The following TMEM204 variants were observed in gnomAD, a reference collection of about 807,000 sequenced individuals.
The protein encoded by TMEM204 is claudin-like protein 24.
Under a neutral mutation model 19.4 loss-of-function variants are expected in TMEM204, and 15 were observed. The observed-to-expected ratio is 0.77, with a 90% CI of 0.52 to 1.19. TMEM204 has a LOEUF of 1.19. Ranked by LOEUF, TMEM204 falls within the 50% of genes most tolerant of loss-of-function variation. The pLI is 0.00. For synonymous variants in TMEM204, 161 were observed against 146.0 expected, an observed-to-expected ratio of 1.10 and a Z score of -0.74; for missense variants, 287 against 321.2, an observed-to-expected ratio of 0.89 and a Z score of 0.81.
chr16:1,542,348 G>A (rs1474060507), intron 2 of TMEM204, among the ~76,000 whole-genome samples: 2 of 152,262 alleles, frequency 1.3e-5, no homozygotes, highest in Admixed American at 6.5e-5. Flanking sequence ...TTTAAAGGCT[G>A]AGGCACTTTG....
chr16:1,543,786 G>A (rs2031887011), intron 2 of TMEM204, among the ~76,000 whole-genome samples: 1 of 152,176 alleles, frequency 6.6e-6, no homozygotes, highest in Non-Finnish European at 1.5e-5. Context: ...GCTGACCCGA[G>A]GGCCATAAAA....
chr16:1,534,942 C>T lies in TMEM204; in HGVS notation c.280+387C>T, dbSNP rs140727617. On this transcript the variant is annotated intron_variant, in intron 1 of 2. Coordinates refer to ENST00000566264, the MANE Select transcript of TMEM204 (RefSeq NM_024600.6). The stretch of plus-strand genomic sequence containing the variant: ...TATTACGGCTGGGCGCAGTGGTTCA[C>T]GTCTGTAATCCTAGCGCTTTGGGAG... 3.9e-5 allele frequency among the ~76,000 whole-genome samples: 6 copies of T among 152,234 alleles called. No homozygotes were observed. The East Asian group carries it at 1.2e-3, about 29-fold the overall frequency.
intron 1 of TMEM204, among the ~76,000 whole-genome samples, chr16:1,539,287 C>T (rs1015853287): frequency 4.6e-4 from 70 of 151,530 alleles, no homozygotes; most frequent in Non-Finnish European, 6.5e-4. Context: ...CTCACCAAGC[C>T]GCACAGTGCC....
chr16:1,531,502 C>T (rs2030491075), upstream of TMEM204: 1 of 152,346 alleles, frequency 6.6e-6, no homozygotes, highest in African/African-American at 2.4e-5. This position sits in a 1 kb window ranked among gnomAD's most constrained non-coding sequence, Gnocchi z 4.7. Flanking sequence ...CAGTGGGACT[C>T]CACCGTGACC....
chr16:1,546,545 C>T (rs1405695748), intron 2 of TMEM204, among the ~76,000 whole-genome samples: 1 of 152,220 alleles, frequency 6.6e-6, no homozygotes, highest in African/African-American at 2.4e-5. Flanking sequence ...TCTCTGAAGC[C>T]CTGCTGGGTA....
intron 1 of TMEM204, among the ~76,000 whole-genome samples, chr16:1,539,403 C>T (rs935043403): frequency 6.6e-6 from 1 of 152,280 alleles, no homozygotes; most frequent in African/African-American, 2.4e-5. Flanking sequence ...TCAAGCACAT[C>T]TCTGCTGTCC....
chr16:1,550,993 A>G (rs1013678302), intron 2 of TMEM204, among the ~76,000 whole-genome samples: 1 of 152,178 alleles, frequency 6.6e-6, no homozygotes, highest in Non-Finnish European at 1.5e-5. Context: ...GCACCAGGGT[A>G]GCGGCATCTA....
intron 2 of TMEM204, among the ~76,000 whole-genome samples, chr16:1,549,975 TTTC>T (rs895633460): frequency 3.9e-5 from 6 of 152,138 alleles, no homozygotes; most frequent in African/African-American, 1.4e-4. Context: ...TTTTTTTCTT[TTTC>T]TTCTTCTCTT....
intron 2 of TMEM204, among the ~76,000 whole-genome samples, chr16:1,544,925 A>C (rs8056892): frequency 6.6e-6 from 1 of 152,086 alleles, no homozygotes; most frequent in Non-Finnish European, 1.5e-5. Flanking sequence ...TGGGATTACA[A>C]GCGTGAGCCA....
chr16:1,537,091 G>A lies in TMEM204; in HGVS notation c.280+2536G>A, dbSNP rs550873226. Reference sequence around the variant, plus strand: ...TGTTCCTTGTAAAATCACCCAGCACGTATGATGGGCTGCGACCGTCTGTGC... The same window carrying A: ...TGTTCCTTGTAAAATCACCCAGCACATATGATGGGCTGCGACCGTCTGTGC... On this transcript the variant is annotated intron_variant, in intron 1 of 2. Transcript: ENST00000566264. Among the ~76,000 whole-genome samples, 12 of 152,358 alleles carry A rather than the reference G, an allele frequency of 7.9e-5. No homozygotes were observed. In the East Asian group the frequency reaches 1.2e-3, roughly 15 times the overall value.
intron 2 of TMEM204, among the ~76,000 whole-genome samples, chr16:1,550,880 C>T (rs1316115577): frequency 6.6e-6 from 1 of 152,240 alleles, no homozygotes; most frequent in Non-Finnish European, 1.5e-5. Context: ...GCGTGGTCCC[C>T]GGCGTGCCAG....
chr16:1,540,739 GC>G (rs2141280957), intron 1 of TMEM204: 1 of 734,666 alleles, frequency 1.4e-6, no homozygotes, highest in South Asian at 6.2e-5. Context: ...CCTGAAGAGT[GC>G]CCTGAAATTT....
Position 1,551,946 on chromosome 16 carries a change from G to A in TMEM204, c.437-2836G>A, listed in dbSNP as rs2032679775. Among the ~76,000 whole-genome samples the A allele has an allele frequency of 6.6e-6, 1 of 152,166 alleles. No individual in the cohort carries two copies. Among genetic ancestry groups the A allele is most frequent in the Non-Finnish European group, 1.5e-5 (1 of 68,038 alleles). ...GTGATGTCCCCGGGGCCTCTCCCTG[G>A]TGACGTGTGGCCCGCGCTGTCCCCC... On this transcript the variant is annotated intron_variant, in intron 2 of 2. Transcript: ENST00000566264. The surrounding 1 kb of genome is among the most constrained non-coding windows in gnomAD (Gnocchi z 4.0).
chr16:1,547,868 G>A (rs1279211621), intron 2 of TMEM204, among the ~76,000 whole-genome samples: 1 of 152,122 alleles, frequency 6.6e-6, no homozygotes, highest in African/African-American at 2.4e-5. Flanking sequence ...GCATAGATGG[G>A]GTCTTGCCAC....
At chr16:1,545,645 G>A (rs1043858809) in intron 2 of TMEM204, among the ~76,000 whole-genome samples, 3 of 152,184 alleles carry the variant, frequency 2.0e-5, no homozygotes, top group East Asian at 1.9e-4. Context: ...CCCAGGGCTC[G>A]GCAGAGGTGG....
chr16:1,541,351 G>A (rs2031615745), intron 1 of TMEM204: 2 of 985,320 alleles, frequency 2.0e-6, no homozygotes, highest in Non-Finnish European at 2.4e-6. Context: ...TGGTTATGAG[G>A]GGCCCAGATG....
chr16:1,541,284 G>A, intron 1 of TMEM204: 1 of 985,290 alleles, frequency 1.0e-6, no homozygotes, highest in Non-Finnish European at 1.2e-6. Flanking sequence ...GGAGGTGAGG[G>A]GGGCAGGTGG....
chr16:1,545,320 C>T (rs2032077341), intron 2 of TMEM204, among the ~76,000 whole-genome samples: 1 of 152,106 alleles, frequency 6.6e-6, no homozygotes, highest in Non-Finnish European at 1.5e-5. Flanking sequence ...CCAAGAGGGC[C>T]CCTGGTGTCT....
chr16:1,550,996 G>A (rs768673865), intron 2 of TMEM204, among the ~76,000 whole-genome samples: 2 of 152,128 alleles, frequency 1.3e-5, no homozygotes, highest in African/African-American at 4.8e-5. Flanking sequence ...CCAGGGTAGC[G>A]GCATCTACGT....
Sources: allele counts gnomAD v4.1 joint callset (sites outside exome capture counted in the v4.1 genomes callset), GRCh38; gene constraint gnomAD v4.1.1; non-coding constraint Gnocchi (gnomAD v3.1); transcripts MANE v1.5; gene names NCBI Gene and HGNC (gene_info 2026-07-23, HGNC 2026-07-21).